RBFOX3: variants seen among roughly 807,000 people sequenced by gnomAD.
The protein encoded by RBFOX3 is RNA binding protein fox-1 homolog 3.
RBFOX3 carries 17 observed loss-of-function variants against 48.7 expected under a neutral mutation model. That is an observed-to-expected ratio of 0.35 (90% CI 0.24 to 0.52). RBFOX3 has a LOEUF of 0.52. RBFOX3 is among the 20% of genes least tolerant of loss of function. The pLI, the probability that RBFOX3 is intolerant of heterozygous loss-of-function variation, is 0.94. For synonymous variants in RBFOX3, 212 were observed against 209.5 expected, an observed-to-expected ratio of 1.01 and a Z score of -0.10; for missense variants, 382 against 497.5, an observed-to-expected ratio of 0.77 and a Z score of 2.21.
At chr17:79,190,520 C>T (rs7225765) in intron 4 of RBFOX3, among the ~76,000 whole-genome samples, 61,167 of 151,630 alleles carry the variant, frequency 0.4, 12,593 homozygotes, top group East Asian at 0.47. Flanking sequence ...TCGCCCAGTC[C>T]CCGGCCTTCT....
upstream of RBFOX3, among the ~76,000 whole-genome samples, chr17:79,614,274 G>A (rs2093985784): frequency 1.3e-5 from 2 of 152,248 alleles, no homozygotes; most frequent in Admixed American, 6.5e-5. Flanking sequence ...AGACACTGCG[G>A]ACAGAGGGGC....
the RBFOX3 span, among the ~76,000 whole-genome samples, chr17:79,630,769 C>T: frequency 6.6e-6 from 1 of 152,202 alleles, no homozygotes; most frequent in Non-Finnish European, 1.5e-5. Flanking sequence ...AGGCACCTAA[C>T]GTGTATTTTC....
chr17:79,335,209 C>T (rs550917468), intron 2 of RBFOX3, among the ~76,000 whole-genome samples: 1 of 152,326 alleles, frequency 6.6e-6, no homozygotes, highest in South Asian at 2.1e-4. Context: ...GACTCCAGCA[C>T]ACAGCAGGTG....
In RBFOX3 at chr17:79,356,358, T is replaced by TG. The variant is rs1568100853; in HGVS notation, c.-174-48535_-174-48534insC. On this transcript the variant is annotated intron_variant, in intron 2 of 14. Transcript: ENST00000693108. ...TTTTAAAACAGGGAAGTTTTTTTTT[T>TG]TTTTTTTTTTTTTTTTTTTTTTTTT... Among the ~76,000 whole-genome samples, 10 of 64,392 alleles carry TG rather than the reference T, an allele frequency of 1.6e-4. No homozygotes were observed. The East Asian group carries it at 2.9e-3, about 18-fold the overall frequency. 42.2% of individuals were successfully genotyped at this position (64,392 alleles called of 152,430 possible).
chr17:79,489,719 G>A (rs1366007348), intron 1 of RBFOX3, among the ~76,000 whole-genome samples: 24 of 152,314 alleles, frequency 1.6e-4, no homozygotes, highest in African/African-American at 5.5e-4. Flanking sequence ...GTTCCTCAAG[G>A]CACTGTTCTC....
intron 2 of RBFOX3, among the ~76,000 whole-genome samples, chr17:79,447,278 T>A (rs1390926208): frequency 6.6e-6 from 1 of 152,184 alleles, no homozygotes; most frequent in East Asian, 1.9e-4. Flanking sequence ...GAGAGGCCCA[T>A]GAGCAAATCT....
rs911684722 is a variant in RBFOX3 at position 79,101,436 on chromosome 17, G to C, written c.568+148C>G. 8.4e-6 allele frequency: 6 copies of C among 716,474 alleles called. No individual in the cohort carries two copies. The African/African-American group carries it at 8.7e-5, about 10-fold the overall frequency. 44.4% of individuals were successfully genotyped at this position (716,474 alleles called of 1,614,324 possible). On this transcript the variant is annotated intron_variant, in intron 9 of 14. Coordinates refer to ENST00000693108, the MANE Select transcript of RBFOX3 (RefSeq NM_001350451.2). ...TTCTGCCCCACCCGCTTCTGACCGG[G>C]AGCAGAGCGGCAGCCCCAGGGCTGG...
chr17:79,350,922 T>C (rs989879908), intron 2 of RBFOX3, among the ~76,000 whole-genome samples: 2 of 152,160 alleles, frequency 1.3e-5, no homozygotes, highest in African/African-American at 4.8e-5. Context: ...TCCCACCTTT[T>C]CCCCTCCCTG....
chr17:79,356,654 C>A (rs1237088270), intron 2 of RBFOX3, among the ~76,000 whole-genome samples: 3 of 151,302 alleles, frequency 2.0e-5, no homozygotes, highest in Non-Finnish European at 4.4e-5. Flanking sequence ...CAGGCATGAG[C>A]CACTGTGCCC....
At chr17:79,506,476 C>T (rs1386064906) in intron 1 of RBFOX3, among the ~76,000 whole-genome samples, 1 of 152,168 alleles carries the variant, frequency 6.6e-6, no homozygotes. Flanking sequence ...CACTCCCAGC[C>T]CCCTCTTAGA....
chr17:79,162,212 T>C (rs1056376238), intron 4 of RBFOX3, among the ~76,000 whole-genome samples: 1 of 152,238 alleles, frequency 6.6e-6, no homozygotes, highest in African/African-American at 2.4e-5. Context: ...AATTTCCCTT[T>C]AATTACAATG....
chr17:79,442,391 G>A (rs1188579341), intron 2 of RBFOX3, among the ~76,000 whole-genome samples: 3 of 142,508 alleles, frequency 2.1e-5, no homozygotes, highest in East Asian at 4.3e-4. Flanking sequence ...GAGAGAGAGA[G>A]AGAGAGAGAG....
chr17:79,347,799 G>A (rs1339154892), intron 2 of RBFOX3, among the ~76,000 whole-genome samples: 2 of 152,068 alleles, frequency 1.3e-5, no homozygotes, highest in African/African-American at 4.8e-5. Flanking sequence ...TGGTCCCTCT[G>A]TTCTGGTATT....
At position 79,566,547 on chromosome 17, in the gene RBFOX3, G is replaced by A. The variant is rs1482101848; in HGVS notation, c.-320+44279C>T. ...CCACAGCAGATCCTAAAGCCAAACC[G>A]CCAGAACCCCAGTCCTTCCATGCTT... On this transcript the variant is annotated intron_variant, in intron 1 of 14. Transcript: ENST00000693108. 1.6e-4 allele frequency among the ~76,000 whole-genome samples: 24 copies of A among 152,288 alleles called. No homozygotes were observed. In the East Asian group the frequency reaches 4.3e-3, roughly 27 times the overall value.
chr17:79,584,755 TTTTATTTTTATTTA>T (rs1406596800), intron 1 of RBFOX3, among the ~76,000 whole-genome samples: 1 of 128,026 alleles, frequency 7.8e-6, no homozygotes, highest in Non-Finnish European at 1.6e-5. Context: ...CACTGGATTT[TTTTATTTTTATTTA>T]TTTATTTTTT....
intron 1 of RBFOX3, among the ~76,000 whole-genome samples, chr17:79,585,535 C>A (rs973618353): frequency 2.0e-4 from 31 of 151,796 alleles, no homozygotes; most frequent in African/African-American, 7.2e-4. Context: ...CCAGCCTGGG[C>A]GACAACAGCG....
At chr17:79,532,460 A>C (rs1027608716) in intron 1 of RBFOX3, among the ~76,000 whole-genome samples, 2 of 152,218 alleles carry the variant, frequency 1.3e-5, no homozygotes, top group African/African-American at 4.8e-5. Context: ...ATGAGGTTGC[A>C]GGGGCTGCAG....
chr17:79,115,428 C>A, intron 5 of RBFOX3, 66 bp downstream of exon 5: 1 of 1,083,112 alleles, frequency 9.2e-7, no homozygotes, highest in Non-Finnish European at 1.2e-6. Flanking sequence ...CTGGGCCACC[C>A]TTCTTCTGGG....
chr17:79,659,581 C>G, the RBFOX3 span, among the ~76,000 whole-genome samples: 18,079 of 152,034 alleles, frequency 0.12, 1,470 homozygotes, highest in East Asian at 0.4. Flanking sequence ...TGACATACAT[C>G]AGAGCCACAC....
Sources: gnomAD v4.1 joint callset for allele counts (sites outside exome capture counted in the v4.1 genomes callset) on GRCh38, gnomAD v4.1.1 for gene constraint, MANE v1.5 for transcripts, NCBI Gene and HGNC (gene_info 2026-07-23, HGNC 2026-07-21) for gene names.